The following PCDH15 variants were observed in gnomAD, a reference collection of about 807,000 sequenced individuals.
PCDH15 encodes protocadherin-15.
Under a neutral mutation model 178.5 loss-of-function variants are expected in PCDH15, and 129 were observed. That is an observed-to-expected ratio of 0.72 (90% CI 0.63 to 0.84). The LOEUF (loss-of-function observed/expected upper bound fraction) is 0.84. PCDH15 is among the 40% of genes least tolerant of loss of function. PCDH15 has a pLI of 0.00. For synonymous variants in PCDH15, 800 were observed against 732.0 expected (o/e 1.09, Z -1.50); for missense variants, 2,230 against 2,099.9 (o/e 1.06, Z -1.21).
At chr10:54,291,491 AT>A (rs1242313230) in intron 8 of PCDH15, among the ~76,000 whole-genome samples, 1 of 152,218 alleles carries the variant, frequency 6.6e-6, no homozygotes, top group East Asian at 1.9e-4. Flanking sequence ...ACTGAAGGAG[AT>A]AGGGACACAA....
Position 53,804,697 on chromosome 10 carries a change from G to A in PCDH15, c.*1882C>T, listed in dbSNP as rs1841047135. On this transcript the variant is annotated 3_prime_UTR_variant, in exon 38 of 38. Transcript: ENST00000644397. ...AAATTATATTCGATGACCTCTGATT[G>A]AATTAGTAGGGAAATATATGCTTAA... is the stretch of plus-strand genomic sequence containing the variant. The A allele has an allele frequency of 6.6e-6, 1 of 151,978 alleles. No homozygotes were observed. Among genetic ancestry groups the A allele is most frequent in the African/African-American group, 2.4e-5 (1 of 41,420 alleles). The allele number at this position is 151,978 out of a possible 1,614,324, so 9.4% of individuals were successfully genotyped here. A position where few individuals can be genotyped will look rare whatever the true frequency, so the allele number is the denominator to read the frequency against.
chr10:54,853,637 A>G lies in PCDH15; in HGVS notation c.-29+43813T>C, dbSNP rs564709812. On this transcript the variant is annotated intron_variant, in intron 3 of 5. Coordinates refer to the PCDH15 transcript ENST00000458638. Reference sequence around the variant, plus strand: ...CTAAAATTAAAAAAGCTCTGGAAAAAAAAAGATTTTTTTTTCACTAAAATT... The same window carrying G: ...CTAAAATTAAAAAAGCTCTGGAAAAGAAAAGATTTTTTTTTCACTAAAATT... Among the ~76,000 whole-genome samples, 8 of 145,660 alleles carry G rather than the reference A, an allele frequency of 5.5e-5. No individual in the cohort carries two copies. The South Asian group carries it at 1.5e-3, about 28-fold the overall frequency.
chr10:55,039,479 A>C (rs1189647543), intron 2 of PCDH15, among the ~76,000 whole-genome samples: 2 of 152,160 alleles, frequency 1.3e-5, no homozygotes, highest in East Asian at 3.9e-4. Context: ...TGAGAATTCT[A>C]AGAATCTTCC....
intron 28 of PCDH15, among the ~76,000 whole-genome samples, chr10:53,855,219 GC>G (rs1404914165): frequency 6.6e-6 from 1 of 151,978 alleles, no homozygotes; most frequent in African/African-American, 2.4e-5. Flanking sequence ...ATTAGATAAT[GC>G]TTTGTAGAAA....
rs147917539 is a variant in PCDH15 at position 54,983,935 on chromosome 10, G to A, written c.-79-86435C>T. ...TGATTCAAGTACTCCACATTAGAAA[G>A]TTAGAAAGTAGCATAAACGCTATAT... is the stretch of plus-strand genomic sequence containing the variant. On this transcript the variant is annotated intron_variant, in intron 2 of 5. Coordinates refer to the PCDH15 transcript ENST00000458638. Among the ~76,000 whole-genome samples the A allele has an allele frequency of 2.5e-3, 379 of 152,274 alleles. 2 individuals carry two copies. The highest frequency in any genetic ancestry group is 8.9e-3 in the African/African-American group (371 of 41,568).
At chr10:54,070,392 T>C (rs1476888813) in intron 17 of PCDH15, among the ~76,000 whole-genome samples, 2 of 152,094 alleles carry the variant, frequency 1.3e-5, no homozygotes, top group Admixed American at 6.5e-5. Context: ...TTAGTACAGA[T>C]GGGGTTTCAC....
chr10:54,940,546 G>A lies in PCDH15; in HGVS notation c.-79-43046C>T, dbSNP rs543383477. On this transcript the variant is annotated intron_variant, in intron 2 of 5. Transcript: ENST00000458638. ...TAGGTCTCTCTTAGATCTAGATCTA[G>A]ATCTGGTTGGTTTATGCTGTTGTTC... 1.6e-4 allele frequency among the ~76,000 whole-genome samples: 25 copies of A among 152,206 alleles called. No homozygotes were observed. In the South Asian group the frequency reaches 5.0e-3, roughly 30 times the overall value.
chr10:54,518,829 C>A (rs1371492979), intron 3 of PCDH15, among the ~76,000 whole-genome samples: 1 of 152,100 alleles, frequency 6.6e-6, no homozygotes, highest in Non-Finnish European at 1.5e-5. Flanking sequence ...ACTGGCAAAC[C>A]AAATCCAGCA....
At chr10:55,496,309 C>T (rs775078963) in intron 2 of PCDH15, among the ~76,000 whole-genome samples, 5 of 151,832 alleles carry the variant, frequency 3.3e-5, no homozygotes, top group Admixed American at 6.6e-5. Context: ...TGTGCGTGCG[C>T]GTGCACACAC....
rs919538769 is a variant in PCDH15, at chr10:54,133,055, T to A, written c.1785-48A>T. The A allele has an allele frequency of 9.3e-6, 15 of 1,612,560 alleles. No individual in the cohort carries two copies. In the Admixed American group the frequency reaches 1.0e-4, roughly 11 times the overall value. On this transcript the variant is annotated intron_variant, in intron 14 of 37. Coordinates refer to ENST00000644397, the MANE Select transcript of PCDH15 (RefSeq NM_001384140.1). ...AAGATGGTTACGAATCTGCATCACA[T>A]TTAATGTTAGACTGCATTGTTTATT... is the stretch of plus-strand genomic sequence containing the variant.
At chr10:55,147,040 T>C (rs1174543811) in intron 2 of PCDH15, among the ~76,000 whole-genome samples, 1 of 151,642 alleles carries the variant, frequency 6.6e-6, no homozygotes, top group African/African-American at 2.4e-5. Context: ...ACAAGAACAA[T>C]TACCAATTGA....
chr10:54,024,718 A>G (rs2093030344), intron 18 of PCDH15, among the ~76,000 whole-genome samples: 1 of 152,184 alleles, frequency 6.6e-6, no homozygotes, highest in Admixed American at 6.6e-5. Context: ...GTGACAGAGT[A>G]GAATAGTTTC....
intron 15 of PCDH15, among the ~76,000 whole-genome samples, chr10:54,120,127 A>C (rs182564630): frequency 6.6e-6 from 1 of 152,344 alleles, no homozygotes; most frequent in East Asian, 1.9e-4. Context: ...ATGCTTAAAG[A>C]AAGCAAATTC....
At chr10:53,925,215 C>T (rs1205839021) in intron 25 of PCDH15, among the ~76,000 whole-genome samples, 1 of 152,142 alleles carries the variant, frequency 6.6e-6, no homozygotes, top group African/African-American at 2.4e-5. Context: ...GTAACACTCA[C>T]CGCGAAGGTC....
At chr10:54,235,803 C>T (rs1167292333) in intron 9 of PCDH15, among the ~76,000 whole-genome samples, 3 of 152,072 alleles carry the variant, frequency 2.0e-5, no homozygotes, top group African/African-American at 7.2e-5. Flanking sequence ...ATAAATGATG[C>T]TTTATTATCT....
chr10:55,058,438 G>C (rs1001747615), intron 2 of PCDH15, among the ~76,000 whole-genome samples: 2 of 152,054 alleles, frequency 1.3e-5, no homozygotes, highest in Admixed American at 1.3e-4. Context: ...TCAAACTCCT[G>C]AGTTGAAGTG....
chr10:54,302,337 C>T (rs1305800889), intron 8 of PCDH15, among the ~76,000 whole-genome samples: 1 of 152,094 alleles, frequency 6.6e-6, no homozygotes, highest in East Asian at 1.9e-4. Flanking sequence ...GTGAGACACA[C>T]TTTGTTGTTT....
At chr10:54,593,073 GAAT>G (rs893363960) in intron 2 of PCDH15, among the ~76,000 whole-genome samples, 1 of 151,876 alleles carries the variant, frequency 6.6e-6, no homozygotes, top group African/African-American at 2.4e-5. Flanking sequence ...TATATATTTT[GAAT>G]ATTACCTTTT....
At chr10:55,416,108 G>A (rs1838477512) in intron 2 of PCDH15, among the ~76,000 whole-genome samples, 1 of 151,422 alleles carries the variant, frequency 6.6e-6, no homozygotes, top group African/African-American at 2.4e-5. Flanking sequence ...CCCAAAGAAA[G>A]ACATATATAA....
Sources: gnomAD v4.1 joint callset for allele counts (sites outside exome capture counted in the v4.1 genomes callset) on GRCh38, gnomAD v4.1.1 for gene constraint, MANE v1.5 for transcripts, NCBI Gene and HGNC (gene_info 2026-07-23, HGNC 2026-07-21) for gene names.